CTNNA3: variants seen among roughly 807,000 people sequenced by gnomAD.
CTNNA3 encodes catenin alpha-3.
Under a neutral mutation model 95.7 loss-of-function variants are expected in CTNNA3, and 76 were observed. The observed-to-expected ratio is 0.79, with a 90% CI of 0.66 to 0.96. The LOEUF is 0.96. Ranked by LOEUF, CTNNA3 falls within the 40% of genes least tolerant of loss-of-function variation. The pLI, the probability that CTNNA3 is intolerant of heterozygous loss-of-function variation, is 0.00. For synonymous variants in CTNNA3, 431 were observed against 374.4 expected (o/e 1.15, Z -1.74); for missense variants, 1,191 against 1,089.8 (o/e 1.09, Z -1.31).
intron 7 of CTNNA3, among the ~76,000 whole-genome samples, chr10:66,836,104 T>C (rs1289721878): frequency 6.6e-6 from 1 of 152,198 alleles, no homozygotes; most frequent in Non-Finnish European, 1.5e-5. Flanking sequence ...TTGTAGCATT[T>C]GCCAATTCTG....
At chr10:66,291,918 T>C (rs2132195720) in intron 12 of CTNNA3, among the ~76,000 whole-genome samples, 1 of 151,156 alleles carries the variant, frequency 6.6e-6, no homozygotes, top group South Asian at 2.1e-4. Flanking sequence ...TTTGTGTACA[T>C]ATATGTATAT....
intron 5 of CTNNA3, among the ~76,000 whole-genome samples, chr10:67,517,156 T>C (rs1839842181): frequency 6.6e-6 from 1 of 152,142 alleles, no homozygotes; most frequent in Non-Finnish European, 1.5e-5. Context: ...CTCTATTTCA[T>C]ATGTTTTTAG....
intron 9 of CTNNA3, among the ~76,000 whole-genome samples, chr10:66,730,859 AG>A (rs1223430360): frequency 6.6e-6 from 1 of 152,230 alleles, no homozygotes; most frequent in Non-Finnish European, 1.5e-5. Context: ...TTGTTTCAGT[AG>A]TTTAGCATTT....
chr10:67,148,733 A>G (rs1449005430), intron 7 of CTNNA3, among the ~76,000 whole-genome samples: 3 of 152,232 alleles, frequency 2.0e-5, no homozygotes, highest in Non-Finnish European at 4.4e-5. Context: ...TGAAATCTAC[A>G]TAAAGATGAA....
intron 11 of CTNNA3, among the ~76,000 whole-genome samples, chr10:66,479,943 A>G (rs2131897742): frequency 8.7e-6 from 1 of 114,516 alleles, no homozygotes; most frequent in South Asian, 2.8e-4. Context: ...TAAAAATACC[A>G]AAGCATTCAC....
In CTNNA3 at chr10:66,303,072, A is replaced by G. The variant is rs561556581; in HGVS notation, c.1733-22451T>C. On this transcript the variant is annotated intron_variant, in intron 12 of 17. Coordinates refer to ENST00000433211, the MANE Select transcript of CTNNA3 (RefSeq NM_013266.4). Reference sequence around the variant, plus strand: ...GAACACCTTTAATTTGACATAGCACATTCACAAAAATTTACCGCAAACGTG... The same window carrying G: ...GAACACCTTTAATTTGACATAGCACGTTCACAAAAATTTACCGCAAACGTG... Among the ~76,000 whole-genome samples, 4 of 152,162 alleles carry G rather than the reference A, an allele frequency of 2.6e-5. No individual in the cohort carries two copies. In the South Asian group the frequency reaches 8.3e-4, roughly 31 times the overall value.
intron 7 of CTNNA3, among the ~76,000 whole-genome samples, chr10:67,006,547 A>G (rs1852003632): frequency 2.8e-5 from 1 of 35,870 alleles, no homozygotes; most frequent in Admixed American, 2.3e-4. Context: ...CTATTCTCTT[A>G]TAACTTCAAC....
Position 66,100,548 on chromosome 10 carries a change from G to A in CTNNA3, c.1977+2609C>T, listed in dbSNP as rs192063919. 1.9e-3 allele frequency among the ~76,000 whole-genome samples: 283 copies of A among 152,238 alleles called. 1 individual carries two copies. Among genetic ancestry groups the A allele is most frequent in the African/African-American group, 5.7e-3 (236 of 41,548 alleles). On this transcript the variant is annotated intron_variant, in intron 14 of 17. Transcript: ENST00000433211. ...TGAGGTTTTCACCCAGCGGCATTCC[G>A]AATGAACTGGATTGTCTGAGAACTG...
chr10:66,615,081 GCTTAAAACAA>G (rs1196727467), intron 10 of CTNNA3, among the ~76,000 whole-genome samples: 1 of 151,826 alleles, frequency 6.6e-6, no homozygotes, highest in African/African-American at 2.4e-5. Flanking sequence ...GCTCACTATG[GCTTAAAACAA>G]CTTATTCTTT....
intron 13 of CTNNA3, among the ~76,000 whole-genome samples, chr10:66,144,591 G>A (rs1053713349): frequency 6.6e-6 from 1 of 151,904 alleles, no homozygotes; most frequent in African/African-American, 2.4e-5. Context: ...GGGTTCAAGT[G>A]ATTCTCCTGC....
chr10:67,242,568 C>T (rs1014153849), intron 5 of CTNNA3, among the ~76,000 whole-genome samples: 1 of 152,176 alleles, frequency 6.6e-6, no homozygotes, highest in African/African-American at 2.4e-5. Context: ...CCGATTTAAA[C>T]ACATTCAGAT....
chr10:67,718,853 G>T (rs1194682341), intron 1 of CTNNA3, among the ~76,000 whole-genome samples: 1 of 152,122 alleles, frequency 6.6e-6, no homozygotes, highest in Non-Finnish European at 1.5e-5. Flanking sequence ...TTTGTCTATT[G>T]TTTGGAATAG....
At chr10:66,504,229 G>A (rs1911346) in intron 11 of CTNNA3, among the ~76,000 whole-genome samples, 23,200 of 151,968 alleles carry the variant, frequency 0.15, 1,853 homozygotes, top group Non-Finnish European at 0.17. Flanking sequence ...AGCAGTCCTT[G>A]GTAACCACTA....
intron 3 of CTNNA3, among the ~76,000 whole-genome samples, chr10:67,550,417 C>T (rs1840983272): frequency 6.6e-6 from 1 of 152,066 alleles, no homozygotes; most frequent in African/African-American, 2.4e-5. Flanking sequence ...TTGTTCGCTA[C>T]CTTTCAATGA....
chr10:67,661,747 A>G (rs1172585879), intron 1 of CTNNA3, among the ~76,000 whole-genome samples: 3 of 152,226 alleles, frequency 2.0e-5, no homozygotes, highest in East Asian at 1.9e-4. Flanking sequence ...CATCTTACCA[A>G]AGAAAATATA....
intron 7 of CTNNA3, among the ~76,000 whole-genome samples, chr10:67,144,225 G>A (rs1860733914): frequency 6.6e-6 from 1 of 152,230 alleles, no homozygotes; most frequent in Non-Finnish European, 1.5e-5. Flanking sequence ...GCAGTAAACA[G>A]ACACGCTGCC....
At chr10:66,829,544 C>T (rs889983826) in intron 7 of CTNNA3, among the ~76,000 whole-genome samples, 15 of 150,788 alleles carry the variant, frequency 9.9e-5, no homozygotes, top group Admixed American at 8.6e-4. Flanking sequence ...ACCCGGGAGG[C>T]AGAGGTTGCA....
intron 10 of CTNNA3, among the ~76,000 whole-genome samples, chr10:66,589,259 T>C (rs1843466560): frequency 6.6e-6 from 1 of 150,962 alleles, no homozygotes; most frequent in Non-Finnish European, 1.5e-5. Flanking sequence ...TGGGGATAAA[T>C]AGAGGAGAGG....
rs546843785 is a variant in CTNNA3, at chr10:66,467,430, C to T, written c.1531+53187G>A. Among the ~76,000 whole-genome samples, 83 of 152,192 alleles carry T rather than the reference C, an allele frequency of 5.5e-4. 1 individual carries two copies. Among genetic ancestry groups the T allele is most frequent in the Middle Eastern group, 3.4e-3 (1 of 294 alleles). ...ATCTAATATCCTCCAATATGCTGTG[C>T]TACAAACCATATCTCTTACCCACTC... On this transcript the variant is annotated intron_variant, in intron 11 of 17. Transcript: ENST00000433211.
Sources: gnomAD v4.1 joint callset for allele counts (sites outside exome capture counted in the v4.1 genomes callset) on GRCh38, gnomAD v4.1.1 for gene constraint, MANE v1.5 for transcripts, NCBI Gene and HGNC (gene_info 2026-07-23, HGNC 2026-07-21) for gene names.